The following OTC variants were observed in gnomAD, a reference collection of about 807,000 sequenced individuals.
The protein encoded by OTC is ornithine transcarbamylase.
A neutral mutation model predicts 30.3 loss-of-function variants in OTC; 3 were observed. That is an observed-to-expected ratio of 0.10 (90% CI 0.05 to 0.26). The LOEUF (loss-of-function observed/expected upper bound fraction) is 0.26, where lower values mean the gene tolerates loss of function less well. Among genes scored for constraint, OTC ranks in the 10% least tolerant of loss-of-function variants. The pLI is 1.00. For synonymous variants in OTC, 111 were observed against 99.7 expected (o/e 1.11, Z -0.67); for missense variants, 194 against 260.3 (o/e 0.75, Z 1.75).
At position 38,408,757 on chromosome X, in the gene OTC, G is replaced by A. The variant is rs779911283; in HGVS notation, c.679G>A (p.Ala227Thr). Residue 227 changes from alanine to threonine, a missense_variant, in exon 7 of 10, where the codon GCT (alanine) becomes ACT (threonine). By Grantham distance (58) the Ala-to-Thr change is moderately conservative. Transcript: ENST00000039007. ...CCTCCTTTAGGGTTATGAGCCGGATGCTAGTGTAACCAAGTTGGCAGAGCA... is the reference window on the plus strand; with the variant it reads ...CCTCCTTTAGGGTTATGAGCCGGATACTAGTGTAACCAAGTTGGCAGAGCA... The part of the protein sequence containing the change: ...AATPKGYEPD[A>T]SVTKLAEQYA... 1 of 1,201,370 alleles carries A rather than the reference G, an allele frequency of 8.3e-7. No homozygotes were observed. The highest frequency in any genetic ancestry group is 1.1e-6 in the Non-Finnish European group (1 of 885,959).
At chrX:38,348,541 CTT>C (rs35261069), upstream of OTC, among the ~76,000 whole-genome samples, 10 of 88,756 alleles carry the variant, frequency 1.1e-4, no homozygotes, top group Non-Finnish European at 1.5e-4. Flanking sequence ...CTTTTTTTTT[CTT>C]TTTTTTTTTT....
chrX:38,401,482 G>T (rs746317695), intron 5 of OTC, 54 bp downstream of exon 5: 431 of 974,695 alleles, frequency 4.4e-4, no homozygotes, highest in Non-Finnish European at 6.2e-4. Flanking sequence ...TTCCTGACTT[G>T]CTTTAAGTGA....
intron 4 of OTC, among the ~76,000 whole-genome samples, chrX:38,393,719 ATTG>A (rs1197976021): frequency 1.8e-5 from 2 of 112,439 alleles, no homozygotes; most frequent in African/African-American, 6.5e-5. Flanking sequence ...TGGAATCTAT[ATTG>A]TTTTCTCATT....
At chrX:38,330,857 A>G in the OTC span, among the ~76,000 whole-genome samples, 1 of 112,072 alleles carries the variant, frequency 8.9e-6, no homozygotes, top group Non-Finnish European at 1.9e-5. Flanking sequence ...CACAGCACTT[A>G]TTATACAGTG....
intron 9 of OTC, among the ~76,000 whole-genome samples, chrX:38,415,523 T>G (rs1040452687): frequency 9.0e-6 from 1 of 111,639 alleles, no homozygotes; most frequent in African/African-American, 3.3e-5. Context: ...ATATGGCTTT[T>G]TAAATTTAAA....
At chrX:38,415,836 C>A (rs910590364) in intron 9 of OTC, among the ~76,000 whole-genome samples, 2 of 112,205 alleles carry the variant, frequency 1.8e-5, no homozygotes, top group Non-Finnish European at 3.8e-5. Flanking sequence ...GCCTGGGCGA[C>A]AGAGCAAGAC....
chrX:38,412,819 A>G, intron 9 of OTC, among the ~76,000 whole-genome samples: 1 of 112,040 alleles, frequency 8.9e-6, no homozygotes. Context: ...TGGGAAAGGA[A>G]GTGCAGTGAA....
intron 1 of OTC, among the ~76,000 whole-genome samples, chrX:38,357,575 A>G (rs1009635754): frequency 1.8e-5 from 2 of 112,272 alleles, no homozygotes; most frequent in Non-Finnish European, 3.8e-5. Flanking sequence ...ACCACATTTT[A>G]CTCAAATCAA....
the OTC span, among the ~76,000 whole-genome samples, chrX:38,339,058 G>A: frequency 1.8e-5 from 2 of 112,082 alleles, no homozygotes; most frequent in South Asian, 7.5e-4. Flanking sequence ...TGGGGGGTGG[G>A]TTCGGATGCC....
chrX:38,376,782 A>G (rs1188675851), intron 3 of OTC, among the ~76,000 whole-genome samples: 2 of 112,525 alleles, frequency 1.8e-5, no homozygotes, highest in Non-Finnish European at 3.8e-5. Context: ...TCAGCAAGAG[A>G]ATATAACAAC....
At chrX:38,390,163 A>G (rs1464575076) in intron 4 of OTC, among the ~76,000 whole-genome samples, 2 of 112,553 alleles carry the variant, frequency 1.8e-5, no homozygotes, top group African/African-American at 6.4e-5. Context: ...AATAAATTGA[A>G]TATGGCAATT....
chrX:38,368,169 C>A (rs997890758), intron 2 of OTC, among the ~76,000 whole-genome samples: 1 of 110,582 alleles, frequency 9.0e-6, no homozygotes, highest in African/African-American at 3.3e-5. Flanking sequence ...GAGACCAGCC[C>A]GACCAACATG....
At chrX:38,419,005 G>C (rs1358515381) in intron 9 of OTC, among the ~76,000 whole-genome samples, 3 of 111,689 alleles carry the variant, frequency 2.7e-5, no homozygotes, top group Non-Finnish European at 3.8e-5. Flanking sequence ...ATTTTGAGTT[G>C]ATTTTTATAT....
the OTC span, among the ~76,000 whole-genome samples, chrX:38,332,269 C>A: frequency 9.3e-6 from 1 of 108,033 alleles, no homozygotes; most frequent in Non-Finnish European, 1.9e-5. Flanking sequence ...ATAATGTATA[C>A]CAACATAAAT....
chrX:38,344,643 G>A, the OTC span, among the ~76,000 whole-genome samples: 1 of 111,458 alleles, frequency 9.0e-6, no homozygotes, highest in African/African-American at 3.3e-5. Context: ...AAGACATAGG[G>A]AGAGAATCTT....
the OTC span, among the ~76,000 whole-genome samples, chrX:38,329,481 C>G: frequency 9.0e-6 from 1 of 111,550 alleles, no homozygotes; most frequent in African/African-American, 3.3e-5. Context: ...AAAGCTAAGG[C>G]CAATTCATGC....
Position 38,365,111 on chromosome X carries a change from C to T in OTC, c.78-2180C>T, listed in dbSNP as rs1312877441. Among the ~76,000 whole-genome samples the T allele has an allele frequency of 4.4e-5, 5 of 112,879 alleles. No individual in the cohort carries two copies. In the Admixed American group the frequency reaches 4.7e-4, roughly 11 times the overall value. On this transcript the variant is annotated intron_variant, in intron 1 of 9. Coordinates refer to ENST00000039007, the MANE Select transcript of OTC (RefSeq NM_000531.6). ...TCCATAAATCCCAACAGATGATTAA[C>T]TCTTCATCCCAAGTAGCACAGGCTC... is the stretch of plus-strand genomic sequence containing the variant.
chrX:38,343,721 C>T, the OTC span, among the ~76,000 whole-genome samples: 1 of 112,233 alleles, frequency 8.9e-6, no homozygotes, highest in East Asian at 2.8e-4. Flanking sequence ...AAATGATTAA[C>T]AGAATAATGA....
At chrX:38,351,341 A>G (rs532927440), upstream of OTC, among the ~76,000 whole-genome samples, 14 of 112,075 alleles carry the variant, frequency 1.2e-4, no homozygotes, top group African/African-American at 4.5e-4. Context: ...CTAAAGTCAT[A>G]TAAATTGACC....
Sources: gnomAD v4.1 joint callset for allele counts (sites outside exome capture counted in the v4.1 genomes callset) on GRCh38, gnomAD v4.1.1 for gene constraint, MANE v1.5 for transcripts, NCBI Gene and HGNC (gene_info 2026-07-23, HGNC 2026-07-21) for gene names.